The following NAV2 variants were observed in gnomAD, a reference collection of about 807,000 sequenced individuals.
NAV2 encodes the protein neuron navigator 2, also known as helicase, APC down-regulated 1.
In NAV2, 54 loss-of-function variants were observed where a neutral mutation model predicts 223.2. That is an observed-to-expected ratio of 0.24 (90% CI 0.19 to 0.30). The LOEUF (loss-of-function observed/expected upper bound fraction) is 0.30. Among genes scored for constraint, NAV2 ranks in the 10% least tolerant of loss-of-function variants. The pLI, the probability that NAV2 is intolerant of heterozygous loss-of-function variation, is 1.00. For synonymous variants in NAV2, 1,279 were observed against 1,239.3 expected (o/e 1.03, Z -0.67); for missense variants, 2,806 against 3,147.5 (o/e 0.89, Z 2.60).
At chr11:19,686,202 G>A (rs1301598173) in intron 1 of NAV2, among the ~76,000 whole-genome samples, 1 of 152,054 alleles carries the variant, frequency 6.6e-6, no homozygotes, top group Non-Finnish European at 1.5e-5. Flanking sequence ...CTGCCTCCAC[G>A]ACCATGTCAC....
intron 10 of NAV2, among the ~76,000 whole-genome samples, chr11:19,975,127 A>G (rs2049596562): frequency 6.6e-6 from 1 of 152,210 alleles, no homozygotes; most frequent in Admixed American, 6.5e-5. Context: ...AAGGTGGACA[A>G]AAAGCTTCCT....
chr11:19,710,052 A>G (rs2049817395), upstream of NAV2, among the ~76,000 whole-genome samples: 1 of 152,236 alleles, frequency 6.6e-6, no homozygotes. Flanking sequence ...ATATTTATGC[A>G]TATTTGAGGG....
chr11:19,678,826 G>A (rs1213337543), intron 1 of NAV2, among the ~76,000 whole-genome samples: 1 of 152,192 alleles, frequency 6.6e-6, no homozygotes, highest in South Asian at 2.1e-4. Context: ...TCTTATTTGT[G>A]TAAGACAGCG....
chr11:20,015,657 G>C (rs1331725900), intron 11 of NAV2, among the ~76,000 whole-genome samples: 1 of 152,142 alleles, frequency 6.6e-6, no homozygotes, highest in Non-Finnish European at 1.5e-5. Flanking sequence ...GGTAGAGAGA[G>C]ACATCTTCTC....
intron 11 of NAV2, among the ~76,000 whole-genome samples, chr11:19,985,358 C>A (rs1225352164): frequency 6.6e-6 from 1 of 152,122 alleles, no homozygotes; most frequent in East Asian, 1.9e-4. Flanking sequence ...TGGGATCTGG[C>A]CCAGTCTCTA....
chr11:20,023,165 G>A, intron 11 of NAV2: 1 of 1,549,124 alleles, frequency 6.5e-7, no homozygotes, highest in Non-Finnish European at 8.7e-7. Context: ...CTGGGGCCAG[G>A]GGGTGGGTGT....
At position 19,892,508 on chromosome 11, in the gene NAV2, A is replaced by C; in HGVS notation, c.845A>C (p.Asn282Thr). ...AKTRGGSTTA[N>T]NRRSQSFNNY... is the part of the protein sequence containing the mutation. ...ACACGCGGAGGGTCAACTACTGCTAACAACCGACGCAGCCAGAGCTTTAAC... is the reference window on the plus strand; with the variant it reads ...ACACGCGGAGGGTCAACTACTGCTACCAACCGACGCAGCCAGAGCTTTAAC... Residue 282 changes from asparagine (N) to threonine (T), a missense_variant, in exon 6 of 38, where the codon AAC becomes ACC. By Grantham distance (65) the Asn-to-Thr change is moderately conservative. Coordinates refer to ENST00000349880, the MANE Select transcript of NAV2 (RefSeq NM_145117.5). 6.2e-7 allele frequency: 1 copy of C among 1,614,234 alleles called. No individual in the cohort carries two copies. The highest frequency in any genetic ancestry group is 1.3e-5 in the African/African-American group (1 of 75,066).
At chr11:19,617,426 G>C (rs1001358217) in intron 1 of NAV2, among the ~76,000 whole-genome samples, 5 of 152,116 alleles carry the variant, frequency 3.3e-5, no homozygotes, top group African/African-American at 9.7e-5. Flanking sequence ...GCTATTAACT[G>C]TCTGGTAATG....
chr11:19,491,954 A>AG (rs2042641387), intron 1 of NAV2, among the ~76,000 whole-genome samples: 2 of 39,384 alleles, frequency 5.1e-5, no homozygotes, highest in East Asian at 7.2e-4. Flanking sequence ...AGGGAGACTC[A>AG]AAGAGAGAGA....
intron 10 of NAV2, among the ~76,000 whole-genome samples, chr11:19,975,946 A>T (rs1312208691): frequency 1.2e-4 from 5 of 41,808 alleles, no homozygotes; most frequent in African/African-American, 2.0e-4. Context: ...AAAGTTTAGG[A>T]ATTTCTGATT....
intron 1 of NAV2, among the ~76,000 whole-genome samples, chr11:19,746,551 A>G (rs764368686): frequency 3.3e-5 from 5 of 152,228 alleles, no homozygotes; most frequent in Non-Finnish European, 7.3e-5. Flanking sequence ...CTAGAAGGGC[A>G]TGGAAGGAGG....
intron 1 of NAV2, among the ~76,000 whole-genome samples, chr11:19,598,531 T>A (rs1157351957): frequency 1.3e-5 from 2 of 152,214 alleles, no homozygotes; most frequent in African/African-American, 4.8e-5. Flanking sequence ...AGCTAACATG[T>A]GCTGGGCATG....
chr11:19,544,285 A>G (rs1311050820), intron 1 of NAV2, among the ~76,000 whole-genome samples: 1 of 152,210 alleles, frequency 6.6e-6, no homozygotes, highest in Non-Finnish European at 1.5e-5. Flanking sequence ...TCTTTTCACT[A>G]TCAGTCTTTC....
chr11:20,017,104 T>C (rs990284333), intron 11 of NAV2, among the ~76,000 whole-genome samples: 6 of 152,132 alleles, frequency 3.9e-5, no homozygotes, highest in African/African-American at 1.4e-4. Flanking sequence ...CAGAAAAGAA[T>C]AGAGGAAGTG....
rs527786886 is a variant in NAV2 at position 19,673,279 on chromosome 11, T to C, written c.76-159205T>C. Among the ~76,000 whole-genome samples the C allele has an allele frequency of 2.4e-4, 37 of 152,370 alleles. 2 individuals are homozygous for C. Among genetic ancestry groups the C allele is most frequent in the Admixed American group, 1.2e-3 (18 of 15,308 alleles). ...AATATATTCAGATATGTCTGTGTTT[T>C]TTGAGCATCTGCTATATGCCAGGCA... On this transcript the variant is annotated intron_variant, in intron 1 of 37. Transcript: ENST00000360655.
chr11:20,090,730 T>C (rs2060784398), intron 26 of NAV2, 135 bp from the exon 27 acceptor site: 1 of 817,760 alleles, frequency 1.2e-6, no homozygotes, highest in Non-Finnish European at 1.8e-6. Context: ...GCTTTTGGCA[T>C]TGTCACCCAC....
intron 1 of NAV2, among the ~76,000 whole-genome samples, chr11:19,693,712 T>C (rs753558275): frequency 6.6e-6 from 1 of 152,200 alleles, no homozygotes; most frequent in Non-Finnish European, 1.5e-5. Flanking sequence ...AACAAGTGTG[T>C]CTGTCCCAGT....
intron 1 of NAV2, among the ~76,000 whole-genome samples, chr11:19,674,035 C>T (rs942952461): frequency 8.5e-5 from 13 of 152,326 alleles, no homozygotes; most frequent in African/African-American, 2.2e-4. Flanking sequence ...AACTCAGGGG[C>T]GCTTGGAAAG....
At chr11:19,561,749 C>T (rs988877200) in intron 1 of NAV2, among the ~76,000 whole-genome samples, 4 of 152,164 alleles carry the variant, frequency 2.6e-5, no homozygotes, top group African/African-American at 7.2e-5. Flanking sequence ...TGAATGGGAC[C>T]TCTGCCTTGC....
Sources: gnomAD v4.1 joint callset for allele counts (sites outside exome capture counted in the v4.1 genomes callset) on GRCh38, gnomAD v4.1.1 for gene constraint, MANE v1.5 for transcripts, NCBI Gene and HGNC (gene_info 2026-07-23, HGNC 2026-07-21) for gene names.